The following WWP1 variants were observed in gnomAD, a reference collection of about 807,000 sequenced individuals.
WWP1 encodes WW domain containing E3 ubiquitin protein ligase 1, also known as NEDD4-like E3 ubiquitin-protein ligase WWP1.
A neutral mutation model predicts 130.6 loss-of-function variants in WWP1; 49 were observed. That is an observed-to-expected ratio of 0.38 (90% CI 0.30 to 0.48). The LOEUF (loss-of-function observed/expected upper bound fraction) is 0.48, where lower values mean the gene tolerates loss of function less well. Ranked by LOEUF, WWP1 falls within the 20% of genes least tolerant of loss-of-function variation. The pLI, the probability that WWP1 is intolerant of heterozygous loss-of-function variation, is 0.99. For missense variants in WWP1, 809 were observed against 1,100.6 expected, an observed-to-expected ratio of 0.74 and a Z score of 3.75; for synonymous variants, 332 against 367.8, an observed-to-expected ratio of 0.90 and a Z score of 1.11.
chr8:86,366,882 A>G (rs1301440729), intron 1 of WWP1, among the ~76,000 whole-genome samples: 1 of 152,190 alleles, frequency 6.6e-6, no homozygotes. Flanking sequence ...AAGTAATATT[A>G]CTATATTCGT....
intron 1 of WWP1, among the ~76,000 whole-genome samples, chr8:86,348,757 A>T (rs543052704): frequency 4.2e-4 from 64 of 152,288 alleles, no homozygotes; most frequent in South Asian, 2.7e-3. Flanking sequence ...CTGGGGTTTG[A>T]ACAAATTATG....
chr8:86,465,531 T>A (rs1586532490), intron 24 of WWP1, among the ~76,000 whole-genome samples: 1 of 151,100 alleles, frequency 6.6e-6, no homozygotes. Context: ...GGGACTGAGG[T>A]GGGAGGAGGG....
chr8:86,419,751 A>G (rs1263529132), intron 9 of WWP1, among the ~76,000 whole-genome samples: 1 of 132,844 alleles, frequency 7.5e-6, no homozygotes, highest in Non-Finnish European at 1.8e-5. Flanking sequence ...ATCCAGGATG[A>G]TAAATGAAAA....
At chr8:86,435,871 G>A (rs538610527) in intron 16 of WWP1, among the ~76,000 whole-genome samples, 167 bp downstream of exon 16, 26 of 152,114 alleles carry the variant, frequency 1.7e-4, no homozygotes, top group African/African-American at 5.3e-4. Flanking sequence ...GTTTTGTTCT[G>A]TTTTCTTAAA....
intron 1 of WWP1, among the ~76,000 whole-genome samples, chr8:86,360,822 G>A (rs1392885562): frequency 6.6e-6 from 1 of 152,096 alleles, no homozygotes; most frequent in Non-Finnish European, 1.5e-5. Flanking sequence ...GATAAAATAG[G>A]GCAAGGTGCT....
At chr8:86,402,267 C>G in intron 8 of WWP1, 64 bp downstream of exon 8, 2 of 1,519,054 alleles carry the variant, frequency 1.3e-6, no homozygotes, top group South Asian at 2.6e-5. Flanking sequence ...TGTATCCATC[C>G]ATGCCTACAC....
At chr8:86,430,569 G>A (rs888707388) in intron 11 of WWP1, 128 bp from the exon 12 acceptor site, 16 of 627,412 alleles carry the variant, frequency 2.6e-5, no homozygotes, top group Middle Eastern at 3.4e-4. Flanking sequence ...GAGCCACTGC[G>A]CCCAACCCCT....
chr8:86,416,482 C>T (rs969428727), intron 9 of WWP1, among the ~76,000 whole-genome samples: 1 of 152,144 alleles, frequency 6.6e-6, no homozygotes, highest in African/African-American at 2.4e-5. Context: ...TACTGCCAAC[C>T]CCTGTTATAT....
At chr8:86,462,351 C>A (rs1266703184) in intron 24 of WWP1, among the ~76,000 whole-genome samples, 1 of 151,982 alleles carries the variant, frequency 6.6e-6, no homozygotes, top group Admixed American at 6.5e-5. Flanking sequence ...ATTCTTTGAA[C>A]AGAAATGCTG....
intron 10 of WWP1, 149 bp downstream of exon 10, chr8:86,425,467 A>G (rs1809566267): frequency 3.5e-6 from 2 of 569,584 alleles, no homozygotes; most frequent in South Asian, 3.1e-5. Flanking sequence ...TGTTCAGTCA[A>G]TGAGATTAGA....
intron 3 of WWP1, 150 bp downstream of exon 3, chr8:86,374,270 C>T: frequency 1.7e-6 from 1 of 578,928 alleles, no homozygotes; most frequent in South Asian, 2.5e-5. Flanking sequence ...AGATGCCCTC[C>T]AAAACTATAT....
At chr8:86,380,101 G>A (rs1289218726) in intron 3 of WWP1, among the ~76,000 whole-genome samples, 2 of 152,190 alleles carry the variant, frequency 1.3e-5, no homozygotes, top group African/African-American at 4.8e-5. Context: ...CAAAGTGGAA[G>A]CAGTTCATAT....
chr8:86,416,218 A>T (rs1808880094), intron 9 of WWP1, among the ~76,000 whole-genome samples: 1 of 152,232 alleles, frequency 6.6e-6, no homozygotes, highest in Non-Finnish European at 1.5e-5. Flanking sequence ...AGGAAGTGTG[A>T]TAGAGGACTC....
rs1220541709 is a variant in WWP1, at chr8:86,384,800, A to T, written c.334+3171A>T. ...TGGATCACCTGAGCTCAGGAGTTTG[A>T]TACCAGCCTGGGCAACATGGTGAAA... On this transcript the variant is annotated intron_variant, in intron 5 of 24. Transcript: ENST00000517970. Among the ~76,000 whole-genome samples, 3 of 152,160 alleles carry T rather than the reference A, an allele frequency of 2.0e-5. No individual in the cohort carries two copies. The East Asian group carries it at 5.8e-4, about 29-fold the overall frequency.
intron 19 of WWP1, 37 bp from the exon 20 acceptor site, chr8:86,448,336 T>C: frequency 6.3e-7 from 1 of 1,587,602 alleles, no homozygotes; most frequent in Non-Finnish European, 8.5e-7. Context: ...TTTTGTTTCA[T>C]TTTGTTAATT....
rs1811551981 is a variant in WWP1, at chr8:86,458,000, G to C, written c.2474G>C (p.Ser825Thr). ...NTVYRHYTRNSKQIIWFWQFV... is the reference protein window; with the variant it reads ...NTVYRHYTRNTKQIIWFWQFV... ...GTTTATCGACATTATACAAGAAACA[G>C]CAAGCAAATCATTTGGTTTTGGCAG... The change falls in exon 22 of 25, where the codon AGC becomes ACC. Residue 825 changes from serine (S) to threonine (T), a missense_variant. This residue lies in a region of WWP1 where 450 missense variants were observed against 674.2 expected (regional missense o/e 0.67). Transcript: ENST00000517970. 2 of 1,611,624 alleles carry C rather than the reference G, an allele frequency of 1.2e-6. No individual in the cohort carries two copies. The highest frequency in any genetic ancestry group is 1.7e-6 in the Non-Finnish European group (2 of 1,178,296).
chr8:86,393,195 A>AT (rs1013189491), intron 5 of WWP1, among the ~76,000 whole-genome samples: 10 of 151,208 alleles, frequency 6.6e-5, no homozygotes, highest in Admixed American at 2.0e-4. Context: ...TAGCCTTTTT[A>AT]TTTTTTAATT....
Position 86,431,480 on chromosome 8 carries a change from A to G in WWP1, c.1462A>G (p.Arg488Gly). 1.9e-6 allele frequency: 3 copies of G among 1,611,900 alleles called. No individual in the cohort carries two copies. Among genetic ancestry groups the G allele is most frequent in the Non-Finnish European group, 8.5e-7 (1 of 1,178,822 alleles). The change falls in exon 13 of 25, where the codon AGA (arginine) becomes GGA (glycine). Residue 488 changes from arginine (R) to glycine (G), a missense_variant. Coordinates refer to ENST00000517970, the MANE Select transcript of WWP1 (RefSeq NM_007013.4). ...NTKTTQWEDP[R>G]TQGLQNEEPL... ...AAAAACAACCCAGTGGGAAGATCCA[A>G]GAACTCAAGGGTATGTATATACAGC... is the stretch of plus-strand genomic sequence containing the variant.
At chr8:86,452,519 A>G (rs1563546753) in intron 20 of WWP1, 40 bp from the exon 21 acceptor site, 1 of 1,543,540 alleles carries the variant, frequency 6.5e-7, no homozygotes, top group South Asian at 1.2e-5. Flanking sequence ...TTTACTTCAC[A>G]TATAAATTAC....
Sources: gnomAD v4.1 joint callset for allele counts (sites outside exome capture counted in the v4.1 genomes callset) on GRCh38, gnomAD v4.1.1 for gene constraint, gnomAD v4.1.1 regional missense constraint, MANE v1.5 for transcripts, NCBI Gene and HGNC (gene_info 2026-07-23, HGNC 2026-07-21) for gene names.